Variants in PSG9 observed in about 807,000 individuals in gnomAD.
PSG9 encodes pregnancy specific beta-1-glycoprotein 9.
In PSG9, 49 loss-of-function variants were observed where a neutral mutation model predicts 41.9. The observed-to-expected ratio is 1.17, with a 90% confidence interval of 0.93 to 1.48. The LOEUF (loss-of-function observed/expected upper bound fraction) is 1.48, where lower values mean the gene tolerates loss of function less well. Ranked by LOEUF, PSG9 falls within the 40% of genes most tolerant of loss-of-function variation. PSG9 has a pLI of 0.00. For synonymous variants in PSG9, 263 were observed against 196.8 expected, an observed-to-expected ratio of 1.34 and a Z score of -2.82; for missense variants, 641 against 520.3, an observed-to-expected ratio of 1.23 and a Z score of -2.26.
At chr19:43,257,794 G>A in intron 5 of PSG9, 2 of 1,305,384 alleles carry the variant, frequency 1.5e-6, no homozygotes, top group South Asian at 2.5e-5. Flanking sequence ...GGGGAAAAGT[G>A]TGAGCTTGTT....
At chr19:43,258,065 G>C (rs767558493) in intron 5 of PSG9, 137 bp downstream of exon 5, 2 of 1,587,036 alleles carry the variant, frequency 1.3e-6, no homozygotes, top group Non-Finnish European at 1.7e-6. Context: ...AATTGGGAGG[G>C]TTCAGGAGGA....
intron 5 of PSG9, among the ~76,000 whole-genome samples, chr19:43,255,277 G>C (rs974392415): frequency 1.4e-5 from 2 of 146,286 alleles, no homozygotes; most frequent in Non-Finnish European, 3.0e-5. Context: ...ACTATAATCA[G>C]TAATAAGATT....
intron 2 of PSG9, among the ~76,000 whole-genome samples, chr19:43,265,864 A>G (rs1043347428): frequency 1.3e-5 from 2 of 152,126 alleles, no homozygotes; most frequent in Non-Finnish European, 1.5e-5. Context: ...TCTCTTAGTG[A>G]CCTGGGGACA....
chr19:43,267,721 G>C, intron 2 of PSG9, 63 bp downstream of exon 2: 2 of 1,604,434 alleles, frequency 1.2e-6, no homozygotes. Context: ...TGACAATCCT[G>C]TGTGTGTGAA....
In PSG9 at chr19:43,268,005, C is replaced by T. The variant is rs760444497; in HGVS notation, c.209G>A (p.Gly70Glu). Residue 70 changes from glycine to glutamate, a missense_variant, in exon 2 of 6, where the codon GGG becomes GAG. Coordinates refer to ENST00000270077, the MANE Select transcript of PSG9 (RefSeq NM_002784.5). ...GTAATGGTAGAGGTCCGTCATTTCC[C>T]CTTTGTACCAGAAGTAGCCAGGAAG... ...QNLPGYFWYK[G>E]EMTDLYHYII... The T allele has an allele frequency of 1.9e-6, 3 of 1,613,700 alleles. No homozygotes were observed. In the African/African-American group the frequency reaches 4.0e-5, roughly 22 times the overall value.
In PSG9 at chr19:43,261,976, G is replaced by T. The variant is rs141864275; in HGVS notation, c.593C>A (p.Thr198Asn). The change falls in exon 3 of 6, where the codon ACC (threonine) becomes AAC (asparagine). Residue 198 changes from threonine (T) to asparagine (N), a missense_variant. Thr to Asn is a moderately conservative substitution (Grantham distance 65). Transcript: ENST00000270077. ...PVTHRLQLSK[T>N]NRTLYLFGVT... is the part of the protein sequence containing the mutation. ...ACCAAATAGATAGAGGGTCCTGTTG[G>T]TTTTGGACAGCTGCAACCTGTGAGT... is the stretch of plus-strand genomic sequence containing the variant. 2 of 1,614,054 alleles carry T rather than the reference G, an allele frequency of 1.2e-6. No individual in the cohort carries two copies. The highest frequency in any genetic ancestry group is 1.7e-6 in the Non-Finnish European group (2 of 1,179,948).
chr19:43,257,016 C>A (rs73934984), intron 5 of PSG9: 8,878 of 146,696 alleles, frequency 0.061, 1,693 homozygotes, highest in African/African-American at 0.19. Context: ...TGTTATTCAA[C>A]CTTAACAAGG....
At chr19:43,259,837 G>C (rs3950956) in intron 3 of PSG9, 33,418 of 147,000 alleles carry the variant, frequency 0.23, 7,017 homozygotes, top group East Asian at 0.76. Context: ...GCAAGAGCTG[G>C]TGGCTTTGGA....
intron 3 of PSG9, chr19:43,260,065 A>G (rs1968637873): frequency 6.8e-6 from 1 of 146,200 alleles, no homozygotes; most frequent in African/African-American, 2.6e-5. Flanking sequence ...TTTTGCAAAT[A>G]TTTTCTTTCA....
In PSG9 at chr19:43,259,049, T is replaced by G. The variant is rs1472170626; in HGVS notation, c.796A>C (p.Ser266Arg). ...DVLAFTCEPK[S>R]ENYTYIWWLN... ...CACCAAATGTAGGTGTAGTTCTCAC[T>G]CTTAGGTTCACAGGTGAAGGCTAAG... Residue 266 changes from serine to arginine, a missense_variant, in exon 4 of 6, where the codon AGT becomes CGT. Physicochemically the swap from Ser to Arg is moderately radical, Grantham distance 110. Coordinates refer to ENST00000270077, the MANE Select transcript of PSG9 (RefSeq NM_002784.5). 1 of 1,590,876 alleles carries G rather than the reference T, an allele frequency of 6.3e-7. No homozygotes were observed. The highest frequency in any genetic ancestry group is 8.5e-7 in the Non-Finnish European group (1 of 1,174,524).
At chr19:43,267,636 T>G in intron 2 of PSG9, 148 bp downstream of exon 2, 1 of 1,348,368 alleles carries the variant, frequency 7.4e-7, no homozygotes, top group Non-Finnish European at 1.1e-6. Flanking sequence ...GTCTCCTCTG[T>G]GTGTGTCCTG....
chr19:43,263,477 G>A (rs1968821608), intron 2 of PSG9, among the ~76,000 whole-genome samples: 1 of 151,798 alleles, frequency 6.6e-6, no homozygotes, highest in Non-Finnish European at 1.5e-5. Flanking sequence ...GTTGACTTTT[G>A]AGCATTTCAG....
chr19:43,256,225 T>G (rs1968439971), intron 5 of PSG9, among the ~76,000 whole-genome samples: 1 of 146,504 alleles, frequency 6.8e-6, no homozygotes, highest in South Asian at 2.2e-4. Flanking sequence ...ATCAAAGATC[T>G]AAATGTAAGA....
chr19:43,267,637 G>T (rs1312051393), intron 2 of PSG9, 147 bp downstream of exon 2: 1 of 1,353,792 alleles, frequency 7.4e-7, no homozygotes, highest in Non-Finnish European at 1.0e-6. Flanking sequence ...TCTCCTCTGT[G>T]TGTGTCCTGC....
At chr19:43,264,118 T>A (rs1184929731) in intron 2 of PSG9, among the ~76,000 whole-genome samples, 2 of 152,052 alleles carry the variant, frequency 1.3e-5, no homozygotes, top group African/African-American at 4.8e-5. Flanking sequence ...AATGGCATCA[T>A]CATGAGGAAA....
chr19:43,261,944 T>G lies in PSG9; in HGVS notation c.625A>C (p.Lys209Gln). Residue 209 changes from lysine to glutamine, a missense_variant, in exon 3 of 6, where the codon AAG (lysine) becomes CAG (glutamine). By Grantham distance (53) the Lys-to-Gln change is moderately conservative. Coordinates refer to ENST00000270077, the MANE Select transcript of PSG9 (RefSeq NM_002784.5). The stretch of plus-strand genomic sequence containing the variant: ...CATTCATAGGGTCCTGCAATATACT[T>G]TGTGACACCAAATAGATAGAGGGTC... ...NRTLYLFGVT[K>Q]YIAGPYECEI... 13 of 1,614,038 alleles carry G rather than the reference T, an allele frequency of 8.1e-6. No homozygotes were observed. The highest frequency in any genetic ancestry group is 1.1e-5 in the Non-Finnish European group (13 of 1,179,944).
At chr19:43,257,377 TAC>T (rs1398793587) in intron 5 of PSG9, 2 of 974,606 alleles carry the variant, frequency 2.1e-6, no homozygotes, top group Admixed American at 1.3e-4. Context: ...TCTCTATAAT[TAC>T]ACACTTTTTG....
intron 2 of PSG9, among the ~76,000 whole-genome samples, chr19:43,266,232 G>T (rs148642567): frequency 6.6e-6 from 1 of 151,828 alleles, no homozygotes; most frequent in African/African-American, 2.4e-5. Context: ...TGGCCAAAGA[G>T]CTTCAGAGTT....
At chr19:43,263,550 G>T (rs1173205328) in intron 2 of PSG9, among the ~76,000 whole-genome samples, 1 of 150,762 alleles carries the variant, frequency 6.6e-6, no homozygotes, top group Non-Finnish European at 1.5e-5. Context: ...ATAAAAAGTT[G>T]TCAGGAGTTT....
Sources: allele counts gnomAD v4.1 joint callset (sites outside exome capture counted in the v4.1 genomes callset), GRCh38; gene constraint gnomAD v4.1.1; transcripts MANE v1.5; gene names NCBI Gene and HGNC (gene_info 2026-07-23, HGNC 2026-07-21).